Variants in SETD2 observed in about 807,000 individuals in gnomAD.
The protein encoded by SETD2 is histone-lysine N-methyltransferase SETD2.
Under a neutral mutation model 242.1 loss-of-function variants are expected in SETD2, and 31 were observed. The ratio of observed to expected loss-of-function variants is 0.13; its 90% confidence interval spans 0.10 to 0.17. SETD2 has a LOEUF of 0.17. SETD2 is among the 10% of genes least tolerant of loss of function. The pLI, the probability that SETD2 is intolerant of heterozygous loss-of-function variation, is 1.00. For missense variants in SETD2, 2,481 were observed against 3,046.3 expected (o/e 0.81, Z 4.37); for synonymous variants, 1,006 against 1,066.5 (o/e 0.94, Z 1.11).
At chr3:47,135,298 G>A (rs1297472056) in intron 1 of SETD2, among the ~76,000 whole-genome samples, 2 of 152,094 alleles carry the variant, frequency 1.3e-5, no homozygotes, top group Non-Finnish European at 2.9e-5. Flanking sequence ...TTAAATTTGA[G>A]ACAGGACCTG....
intron 15 of SETD2, among the ~76,000 whole-genome samples, chr3:47,048,638 T>G (rs1381977107): frequency 6.6e-6 from 1 of 152,178 alleles, no homozygotes; most frequent in Admixed American, 6.5e-5. Context: ...TTTTTAACTC[T>G]TTTATAACAC....
intron 12 of SETD2, among the ~76,000 whole-genome samples, 183 bp downstream of exon 12, chr3:47,083,537 C>G (rs1193681135): frequency 6.6e-6 from 1 of 152,148 alleles, no homozygotes; most frequent in Non-Finnish European, 1.5e-5. Flanking sequence ...ATTAGTTTGG[C>G]TAATATGACT....
chr3:47,104,160 A>C (rs1042821653), intron 6 of SETD2, among the ~76,000 whole-genome samples: 16 of 152,224 alleles, frequency 1.1e-4, no homozygotes, highest in African/African-American at 3.6e-4. Flanking sequence ...AATTGAACTG[A>C]ATTTTATTAA....
rs1265402763 is a variant in SETD2, at chr3:47,163,878, T to A, written c.47A>T (p.Tyr16Phe). The A allele has an allele frequency of 7.6e-7, 1 of 1,319,338 alleles. No individual in the cohort carries two copies. Among genetic ancestry groups the A allele is most frequent in the Non-Finnish European group, 9.7e-7 (1 of 1,028,224 alleles). 81.7% of individuals were successfully genotyped at this position (1,319,338 alleles called of 1,614,324 possible). ...CTCAGGGGTCGGGTGCTCCGGGTCG[T>A]AGAAATCCCCCATCTTCGGAGGCGG... The part of the protein sequence containing the change: ...PQPPPKMGDF[Y>F]DPEHPTPEEE... The change falls in exon 1 of 21, where the codon TAC becomes TTC. Residue 16 changes from tyrosine (Y) to phenylalanine (F), a missense_variant. Coordinates refer to ENST00000409792, the MANE Select transcript of SETD2 (RefSeq NM_014159.7).
intron 12 of SETD2, among the ~76,000 whole-genome samples, chr3:47,075,499 G>T (rs1398636446): frequency 2.7e-5 from 4 of 147,328 alleles, no homozygotes; most frequent in African/African-American, 1.0e-4. Flanking sequence ...AGGAGGCAGA[G>T]GTTGTGGTGA....
chr3:47,063,702 C>T (rs990882675), intron 13 of SETD2, among the ~76,000 whole-genome samples: 15 of 152,132 alleles, frequency 9.9e-5, no homozygotes, highest in African/African-American at 3.6e-4. Context: ...AAGTCAATCT[C>T]GGCCGGGCAC....
chr3:47,143,464 G>A (rs942695977), intron 1 of SETD2, among the ~76,000 whole-genome samples: 4 of 152,098 alleles, frequency 2.6e-5, no homozygotes, highest in Non-Finnish European at 5.9e-5. Flanking sequence ...TTCATTTCCT[G>A]CAAAAAATAT....
At chr3:47,069,975 ACT>A (rs1235936524) in intron 12 of SETD2, among the ~76,000 whole-genome samples, 2 of 152,210 alleles carry the variant, frequency 1.3e-5, no homozygotes, top group Non-Finnish European at 2.9e-5. Flanking sequence ...AAACCTAGGC[ACT>A]CCAAAAGACA....
chr3:47,028,682 A>G (rs1054528653), intron 18 of SETD2, among the ~76,000 whole-genome samples: 20 of 152,268 alleles, frequency 1.3e-4, no homozygotes, highest in African/African-American at 4.3e-4. Flanking sequence ...GCAGGCAACT[A>G]TTAAAAAGCT....
At position 47,163,834 on chromosome 3, in the gene SETD2, G is replaced by A. The variant is rs552680032; in HGVS notation, c.71+20C>T. The A allele has an allele frequency of 3.3e-5, 42 of 1,272,518 alleles. No homozygotes were observed. Among genetic ancestry groups the A allele is most frequent in the African/African-American group, 1.8e-4 (12 of 65,196 alleles). The allele number at this position is 1,272,518 out of a possible 1,614,324, so 78.8% of individuals were successfully genotyped here. ...ATAAGGCGGCCGACAGCAGCGGGGG[G>A]CCGCGGAGCTGATACTTACTCAGGG... On this transcript the variant is annotated intron_variant, in intron 1 of 20. Coordinates refer to ENST00000409792, the MANE Select transcript of SETD2 (RefSeq NM_014159.7).
chr3:47,040,717 G>A (rs1487839044), intron 17 of SETD2, among the ~76,000 whole-genome samples: 1 of 151,740 alleles, frequency 6.6e-6, no homozygotes, highest in East Asian at 1.9e-4. Flanking sequence ...GTGACTACAG[G>A]TGCACACCAC....
intron 1 of SETD2, among the ~76,000 whole-genome samples, chr3:47,137,181 ATTATTT>A (rs988414396): frequency 6.6e-6 from 1 of 151,752 alleles, no homozygotes; most frequent in Non-Finnish European, 1.5e-5. Context: ...AGCATTTATT[ATTATTT>A]TTATTTTATT....
At chr3:47,022,913 C>A (rs568628202) in intron 18 of SETD2, among the ~76,000 whole-genome samples, 12 of 152,334 alleles carry the variant, frequency 7.9e-5, no homozygotes, top group African/African-American at 2.9e-4. Flanking sequence ...GCTTATTGGG[C>A]AGTTCTGGTA....
At chr3:47,027,396 C>T (rs976538657) in intron 18 of SETD2, among the ~76,000 whole-genome samples, 2 of 147,514 alleles carry the variant, frequency 1.4e-5, no homozygotes, top group African/African-American at 5.0e-5. Context: ...GAACATCACA[C>T]ACCAGGGACT....
intron 9 of SETD2, among the ~76,000 whole-genome samples, chr3:47,092,004 T>TA (rs1329041144): frequency 6.6e-6 from 1 of 152,164 alleles, no homozygotes; most frequent in Non-Finnish European, 1.5e-5. Context: ...TATGACTGTT[T>TA]AAAAACTCTA....
At chr3:47,116,500 T>G in intron 4 of SETD2, 123 bp downstream of exon 4, 1 of 888,194 alleles carries the variant, frequency 1.1e-6, no homozygotes, top group Admixed American at 2.4e-5. Flanking sequence ...TCTACTATAC[T>G]TTTTTGCTTG....
Position 47,163,619 on chromosome 3 carries a change from C to A in SETD2, c.71+235G>T, listed in dbSNP as rs555305108. 0.014 allele frequency: 3,021 copies of A among 221,882 alleles called. 26 individuals carry two copies. The highest frequency in any genetic ancestry group is 0.039 in the Middle Eastern group (25 of 644). The allele number at this position is 221,882 out of a possible 1,614,324, so 13.7% of individuals were successfully genotyped here. A position where few individuals can be genotyped will look rare whatever the true frequency, so the allele number is the denominator to read the frequency against. On this transcript the variant is annotated intron_variant, in intron 1 of 20. Transcript: ENST00000409792. ...CCCTCCCCCACCGGCCCGGCCCAAC[C>A]GCCGCCGCGACACGAGCAGCGGCGC...
intron 1 of SETD2, among the ~76,000 whole-genome samples, chr3:47,150,028 CTTTTTTT>C (rs71098457): frequency 6.5e-5 from 6 of 92,446 alleles, no homozygotes; most frequent in Admixed American, 4.7e-4. Context: ...TCCAAAAATA[CTTTTTTT>C]TTTTTTTTTT....
chr3:47,136,182 G>A (rs1226545496), intron 1 of SETD2, among the ~76,000 whole-genome samples: 1 of 152,126 alleles, frequency 6.6e-6, no homozygotes, highest in East Asian at 1.9e-4. Flanking sequence ...CAATTGCTCA[G>A]ATCAAACCTC....
Sources: allele counts gnomAD v4.1 joint callset (sites outside exome capture counted in the v4.1 genomes callset), GRCh38; gene constraint gnomAD v4.1.1; transcripts MANE v1.5; gene names NCBI Gene and HGNC (gene_info 2026-07-23, HGNC 2026-07-21).